Variants in FAM168A observed in about 807,000 individuals in gnomAD.
FAM168A encodes family with sequence similarity 168 member A, also known as protein FAM168A.
In FAM168A, 3 loss-of-function variants were observed where a neutral mutation model predicts 28.5. The ratio of observed to expected loss-of-function variants is 0.11; its 90% CI spans 0.05 to 0.27. FAM168A has a LOEUF of 0.27. FAM168A is among the 10% of genes least tolerant of loss of function. The probability of loss-of-function intolerance (pLI) is 1.00; values close to 1 mark genes in which losing one functional copy is unlikely to be tolerated. For missense variants in FAM168A, 222 were observed against 311.5 expected (o/e 0.71, Z 2.16); for synonymous variants, 122 against 124.2 (o/e 0.98, Z 0.12).
At chr11:73,460,299 C>T (rs1867621815) in intron 2 of FAM168A, among the ~76,000 whole-genome samples, 1 of 152,138 alleles carries the variant, frequency 6.6e-6, no homozygotes, top group Non-Finnish European at 1.5e-5. Context: ...AGACAAATCA[C>T]AGGAGTCTTT....
chr11:73,572,449 G>T (rs1212605207), intron 1 of FAM168A, among the ~76,000 whole-genome samples: 3 of 152,076 alleles, frequency 2.0e-5, no homozygotes, highest in African/African-American at 7.2e-5. Flanking sequence ...GAAAGGTGGG[G>T]AAAAGATTGA....
At chr11:73,413,634 G>A (rs1866652802) in intron 4 of FAM168A, among the ~76,000 whole-genome samples, 1 of 152,180 alleles carries the variant, frequency 6.6e-6, no homozygotes, top group Non-Finnish European at 1.5e-5. Context: ...TGTGGACAAC[G>A]TACTATAGAT....
In FAM168A at chr11:73,497,673, G is replaced by A. The variant is rs1045758169; in HGVS notation, c.-18-29181C>T. ...CAAAACAGAAAACCAAACACCACACGTTCTCACTCATAGGTGGGAACTGAA... is the reference window on the plus strand; with the variant it reads ...CAAAACAGAAAACCAAACACCACACATTCTCACTCATAGGTGGGAACTGAA... On this transcript the variant is annotated intron_variant, in intron 1 of 7. Transcript: ENST00000356467. Among the ~76,000 whole-genome samples, 14 of 152,022 alleles carry A rather than the reference G, an allele frequency of 9.2e-5. No individual in the cohort carries two copies. The East Asian group carries it at 1.2e-3, about 13-fold the overall frequency.
intron 1 of FAM168A, among the ~76,000 whole-genome samples, chr11:73,500,256 C>CT (rs57040993): frequency 0.092 from 11,338 of 122,630 alleles, 807 homozygotes; most frequent in Non-Finnish European, 0.13. Flanking sequence ...CCCAGAATTC[C>CT]TTTTTTTTTT....
At chr11:73,459,723 A>G (rs1348756384) in intron 2 of FAM168A, among the ~76,000 whole-genome samples, 2 of 152,142 alleles carry the variant, frequency 1.3e-5, no homozygotes, top group South Asian at 2.1e-4. Flanking sequence ...CTAAAAAAGA[A>G]TAATTGCTGT....
chr11:73,570,206 G>C (rs1944070187), intron 1 of FAM168A, among the ~76,000 whole-genome samples: 1 of 152,126 alleles, frequency 6.6e-6, no homozygotes, highest in African/African-American at 2.4e-5. Flanking sequence ...CCCTTCATTA[G>C]CTGTGAGACT....
intron 1 of FAM168A, among the ~76,000 whole-genome samples, chr11:73,486,192 G>A (rs1209296735): frequency 6.6e-6 from 1 of 152,132 alleles, no homozygotes; most frequent in Non-Finnish European, 1.5e-5. Context: ...TTGTTTTGTT[G>A]TTACAATATA....
chr11:73,597,222 T>A (rs1944447662), intron 1 of FAM168A, among the ~76,000 whole-genome samples: 1 of 151,902 alleles, frequency 6.6e-6, no homozygotes, highest in Non-Finnish European at 1.5e-5. Context: ...CCAACCTCCA[T>A]CAGCCCACCC....
intron 1 of FAM168A, among the ~76,000 whole-genome samples, chr11:73,567,399 T>A (rs1333913803): frequency 6.6e-6 from 1 of 152,140 alleles, no homozygotes; most frequent in Non-Finnish European, 1.5e-5. Flanking sequence ...TGATACCTCA[T>A]AATCAGTTCC....
chr11:73,463,900 C>A (rs140722006), intron 2 of FAM168A, among the ~76,000 whole-genome samples: 1 of 152,030 alleles, frequency 6.6e-6, no homozygotes, highest in East Asian at 1.9e-4. Context: ...TCTTCTTCAA[C>A]CATAGGTGAA....
chr11:73,547,680 A>G (rs570756233), intron 1 of FAM168A, among the ~76,000 whole-genome samples: 2 of 152,228 alleles, frequency 1.3e-5, no homozygotes, highest in East Asian at 3.9e-4. Flanking sequence ...TCTCTTAGAA[A>G]ATAAAAATAG....
chr11:73,460,658 C>T (rs1867630742), intron 2 of FAM168A, among the ~76,000 whole-genome samples: 1 of 152,022 alleles, frequency 6.6e-6, no homozygotes, highest in Non-Finnish European at 1.5e-5. Context: ...AATGTGCCAC[C>T]ATGCCTGGCT....
chr11:73,543,741 A>T (rs1459203600), intron 1 of FAM168A, among the ~76,000 whole-genome samples: 1 of 152,102 alleles, frequency 6.6e-6, no homozygotes, highest in African/African-American at 2.4e-5. Flanking sequence ...TTCCTCTGGG[A>T]CTCTCTTATA....
intron 1 of FAM168A, among the ~76,000 whole-genome samples, chr11:73,551,702 A>T (rs566317930): frequency 2.8e-4 from 42 of 152,374 alleles, no homozygotes; most frequent in Middle Eastern, 3.4e-3. Context: ...ATTCAATTGG[A>T]GAAAAAGATT....
intron 2 of FAM168A, among the ~76,000 whole-genome samples, chr11:73,457,882 T>C (rs1002919026): frequency 2.0e-5 from 3 of 152,106 alleles, no homozygotes; most frequent in African/African-American, 7.2e-5. Flanking sequence ...TATATGACCT[T>C]GAGAAACTTA....
intron 1 of FAM168A, among the ~76,000 whole-genome samples, chr11:73,483,850 C>T (rs1868001444): frequency 1.3e-5 from 2 of 152,182 alleles, no homozygotes; most frequent in South Asian, 2.1e-4. Flanking sequence ...ACTAATTACC[C>T]ACCAACCATT....
chr11:73,550,636 CAG>C (rs1213775131), intron 1 of FAM168A, among the ~76,000 whole-genome samples: 2 of 152,000 alleles, frequency 1.3e-5, no homozygotes, highest in Admixed American at 1.3e-4. Flanking sequence ...GCCTGGGTGA[CAG>C]AGTCAGACTC....
intron 1 of FAM168A, among the ~76,000 whole-genome samples, chr11:73,516,033 G>A (rs561659658): frequency 1.7e-4 from 26 of 151,508 alleles, no homozygotes; most frequent in African/African-American, 3.9e-4. Flanking sequence ...CCCAGGAGGC[G>A]GAGGTTGCAG....
chr11:73,420,779 C>A (rs1378767026), intron 3 of FAM168A: 2 of 152,274 alleles, frequency 1.3e-5, no homozygotes, highest in African/African-American at 2.4e-5. Context: ...TAGATGAGGC[C>A]CAGTTTAAGA....
Sources: allele counts gnomAD v4.1 joint callset (sites outside exome capture counted in the v4.1 genomes callset), GRCh38; gene constraint gnomAD v4.1.1; transcripts MANE v1.5; gene names NCBI Gene and HGNC (gene_info 2026-07-23, HGNC 2026-07-21).